Variants in RYR3 observed in about 807,000 individuals in gnomAD.
RYR3 encodes ryanodine receptor 3.
In RYR3, 207 loss-of-function variants were observed where a neutral mutation model predicts 584.3. The observed-to-expected ratio is 0.35, with a 90% CI of 0.32 to 0.40. RYR3 has a LOEUF of 0.40. RYR3 is among the 10% of genes least tolerant of loss of function. RYR3 has a pLI of 1.00. For synonymous variants in RYR3, 2,416 were observed against 2,248.5 expected (o/e 1.07, Z -2.11); for missense variants, 5,616 against 6,089.2 (o/e 0.92, Z 2.59).
chr15:33,662,080 G>A, intron 34 of RYR3, 73 bp from the exon 35 acceptor site: 2 of 1,314,460 alleles, frequency 1.5e-6, no homozygotes, highest in Non-Finnish European at 2.1e-6. Context: ...GCCTTTGTTG[G>A]GCTGGATGAA....
chr15:33,439,556 A>G (rs7175585), intron 1 of RYR3, among the ~76,000 whole-genome samples: 3,907 of 152,164 alleles, frequency 0.026, 178 homozygotes, highest in African/African-American at 0.089. Context: ...ATATTCTCCT[A>G]TGTGGTTTTA....
chr15:33,449,787 G>A (rs1012939755), intron 1 of RYR3, among the ~76,000 whole-genome samples: 6 of 152,136 alleles, frequency 3.9e-5, no homozygotes, highest in South Asian at 2.1e-4. Flanking sequence ...TTTCGAGCAC[G>A]GATCTCTTTG....
intron 31 of RYR3, among the ~76,000 whole-genome samples, chr15:33,650,476 C>T (rs528650360): frequency 3.3e-5 from 5 of 152,258 alleles, no homozygotes; most frequent in African/African-American, 1.2e-4. Flanking sequence ...CCCTGGGCCT[C>T]GATTTCCTTA....
intron 67 of RYR3, among the ~76,000 whole-genome samples, chr15:33,797,053 T>C (rs181239881): frequency 1.7e-4 from 26 of 152,294 alleles, no homozygotes; most frequent in African/African-American, 5.8e-4. Flanking sequence ...AGCTAAATAA[T>C]GTGTCCACAT....
chr15:33,478,328 G>T (rs78975597), intron 2 of RYR3, among the ~76,000 whole-genome samples: 2 of 152,276 alleles, frequency 1.3e-5, no homozygotes, highest in East Asian at 3.9e-4. Context: ...GCTTGAGAGG[G>T]TCCACGTCAG....
At chr15:33,574,923 G>GC (rs2058217715) in intron 12 of RYR3, among the ~76,000 whole-genome samples, 1 of 152,096 alleles carries the variant, frequency 6.6e-6, no homozygotes, top group Admixed American at 6.6e-5. Flanking sequence ...TGAAATAAAG[G>GC]CCCGAGGAAA....
chr15:33,696,685 A>C (rs1341863718), intron 39 of RYR3, among the ~76,000 whole-genome samples, 194 bp downstream of exon 39: 1 of 152,208 alleles, frequency 6.6e-6, no homozygotes, highest in Non-Finnish European at 1.5e-5. Flanking sequence ...GGCATTGCTA[A>C]AAGTATGGAG....
At chr15:33,779,410 C>A (rs180754334) in intron 64 of RYR3, among the ~76,000 whole-genome samples, 10 of 152,184 alleles carry the variant, frequency 6.6e-5, no homozygotes, top group African/African-American at 2.4e-4. Context: ...TAACCGTTAT[C>A]TGAGGTCTCT....
intron 10 of RYR3, among the ~76,000 whole-genome samples, chr15:33,558,367 A>G (rs2057213332): frequency 1.4e-5 from 1 of 71,988 alleles, no homozygotes; most frequent in Non-Finnish European, 4.4e-5. Flanking sequence ...TGTCCTTGCA[A>G]TAGTTTGCTG....
chr15:33,862,888 A>T (rs771606353), intron 102 of RYR3, among the ~76,000 whole-genome samples: 1 of 152,232 alleles, frequency 6.6e-6, no homozygotes, highest in Non-Finnish European at 1.5e-5. Context: ...AAGTGCTGGA[A>T]TTAGAGGCGT....
chr15:33,453,502 G>A (rs1246143786), intron 1 of RYR3, among the ~76,000 whole-genome samples: 1 of 152,144 alleles, frequency 6.6e-6, no homozygotes, highest in African/African-American at 2.4e-5. Context: ...CCATAAAAAA[G>A]CAGAAATATA....
At chr15:33,702,941 T>C (rs1056005757) in intron 42 of RYR3, among the ~76,000 whole-genome samples, 12 of 151,904 alleles carry the variant, frequency 7.9e-5, no homozygotes, top group Non-Finnish European at 1.5e-4. Flanking sequence ...GTGGGGTGGC[T>C]CAAAGAAGAC....
At chr15:33,529,949 T>G (rs925423514) in intron 3 of RYR3, among the ~76,000 whole-genome samples, 3 of 152,172 alleles carry the variant, frequency 2.0e-5, no homozygotes, top group Non-Finnish European at 2.9e-5. Context: ...TCCCACTGTT[T>G]GGGCAGCCAC....
chr15:33,706,871 A>G (rs371675006), intron 42 of RYR3, 48 bp from the exon 43 acceptor site: 1 of 1,517,532 alleles, frequency 6.6e-7, no homozygotes, highest in Non-Finnish European at 8.9e-7. Context: ...GTTTTTTAAT[A>G]GCCATCCTAA....
intron 16 of RYR3, among the ~76,000 whole-genome samples, chr15:33,596,505 G>C (rs1368180877): frequency 7.1e-6 from 1 of 140,160 alleles, no homozygotes; most frequent in Non-Finnish European, 1.6e-5. Flanking sequence ...TGGGGGGGGG[G>C]GATTTCTGAC....
At chr15:33,366,745 A>G (rs1975555931) in intron 1 of RYR3, among the ~76,000 whole-genome samples, 1 of 152,208 alleles carries the variant, frequency 6.6e-6, no homozygotes, top group Non-Finnish European at 1.5e-5. Flanking sequence ...TGGAGCCTGG[A>G]GACACAGTAG....
rs1195752240 is a variant in RYR3 at position 33,625,847 on chromosome 15, A to C, written c.2574+1824A>C. Among the ~76,000 whole-genome samples the C allele has an allele frequency of 6.6e-5, 10 of 152,312 alleles. No individual in the cohort carries two copies. The South Asian group carries it at 1.7e-3, about 25-fold the overall frequency. ...GAAGTCAATCTCCCCTGGGAAAAAA[A>C]TTGTTGAATTCTTTTGGGGGGCTCT... On this transcript the variant is annotated intron_variant, in intron 20 of 103. Coordinates refer to ENST00000634891, the MANE Select transcript of RYR3 (RefSeq NM_001036.6).
chr15:33,462,192 C>CT (rs1212780782), intron 1 of RYR3, among the ~76,000 whole-genome samples: 1 of 151,982 alleles, frequency 6.6e-6, no homozygotes, highest in East Asian at 1.9e-4. Flanking sequence ...TATAGAGCAT[C>CT]TTTTTTTGAA....
chr15:33,525,864 A>G (rs1264592870), intron 3 of RYR3, among the ~76,000 whole-genome samples: 1 of 152,232 alleles, frequency 6.6e-6, no homozygotes, highest in Non-Finnish European at 1.5e-5. Context: ...AGCTTCCAGA[A>G]AGACTTCTTT....
Sources: allele counts gnomAD v4.1 joint callset (sites outside exome capture counted in the v4.1 genomes callset), GRCh38; gene constraint gnomAD v4.1.1; transcripts MANE v1.5; gene names NCBI Gene and HGNC (gene_info 2026-07-23, HGNC 2026-07-21).